Variants in TNIK observed in about 807,000 individuals in gnomAD.
TNIK encodes the protein TRAF2 and NCK-interacting protein kinase.
In TNIK, 49 loss-of-function variants were observed where a neutral mutation model predicts 191.3. The ratio of observed to expected loss-of-function variants is 0.26; its 90% CI spans 0.20 to 0.32. The LOEUF is 0.32. Among genes scored for constraint, TNIK ranks in the 10% least tolerant of loss-of-function variants. The pLI is 1.00. For missense variants in TNIK, 1,155 were observed against 1,702.3 expected (o/e 0.68, Z 5.66); for synonymous variants, 594 against 600.9 (o/e 0.99, Z 0.17).
At chr3:171,218,954 AAAT>A (rs1470197350) in intron 3 of TNIK, among the ~76,000 whole-genome samples, 1 of 130,630 alleles carries the variant, frequency 7.7e-6, no homozygotes, top group Admixed American at 8.5e-5. Context: ...AATATATAAT[AAAT>A]ATTAAATATT....
intron 12 of TNIK, among the ~76,000 whole-genome samples, chr3:171,145,779 C>CTTTTTTTTTT (rs397875512): frequency 3.7e-5 from 5 of 133,404 alleles, no homozygotes; most frequent in Non-Finnish European, 6.5e-5. Flanking sequence ...TCAGTCTTTC[C>CTTTTTTTTTT]TTTTTTTTTT....
chr3:171,372,634 G>A (rs1716666905), intron 1 of TNIK, among the ~76,000 whole-genome samples: 1 of 152,166 alleles, frequency 6.6e-6, no homozygotes. Context: ...CACTGCATGT[G>A]GGATGCCCCC....
intron 4 of TNIK, among the ~76,000 whole-genome samples, chr3:171,208,367 T>C (rs570676325): frequency 6.6e-6 from 1 of 151,880 alleles, no homozygotes; most frequent in Non-Finnish European, 1.5e-5. Flanking sequence ...AAAAAGCAGA[T>C]GTAAAAAAGA....
chr3:171,110,841 C>G lies in TNIK; in HGVS notation c.2157G>C (p.Glu719Asp), dbSNP rs756865087. The change falls in exon 19 of 33, where the codon GAG becomes GAC. Residue 719 changes from glutamate (E) to aspartate (D), a missense_variant. Around this residue, in one of 3 missense-constraint regions of TNIK, gnomAD observed 735 missense variants for 848.0 expected, o/e 0.87. Coordinates refer to ENST00000436636, the MANE Select transcript of TNIK (RefSeq NM_015028.4). ...CACTGCTGGTCCTCTGCAAGGGGCT[C>G]TCCAAGATGGGCTCAGTTCTCCGGA... ...PDLRRTEPIL[E>D]SPLQRTSSGS... 11 of 1,605,096 alleles carry G rather than the reference C, an allele frequency of 6.9e-6. No homozygotes were observed. The highest frequency in any genetic ancestry group is 1.7e-5 in the Admixed American group (1 of 59,134).
chr3:171,264,978 A>G lies in TNIK; in HGVS notation c.124-36757T>C, dbSNP rs1395077817. Among the ~76,000 whole-genome samples, 6 of 152,200 alleles carry G rather than the reference A, an allele frequency of 3.9e-5. No individual in the cohort carries two copies. In the South Asian group the frequency reaches 1.0e-3, roughly 26 times the overall value. ...CTGTATTAGGCCCAGTAGGCTGCCA[A>G]CTACTGAGAACAGTCACCCTTTCCT... On this transcript the variant is annotated intron_variant, in intron 2 of 32. Coordinates refer to ENST00000436636, the MANE Select transcript of TNIK (RefSeq NM_015028.4).
At chr3:171,104,126 AT>A (rs1161096929) in intron 21 of TNIK, among the ~76,000 whole-genome samples, 1 of 152,100 alleles carries the variant, frequency 6.6e-6, no homozygotes, top group Non-Finnish European at 1.5e-5. Flanking sequence ...CAGAATCCCT[AT>A]GAAAAGGTAA....
At chr3:171,335,197 CTGTT>C (rs569086633) in intron 2 of TNIK, among the ~76,000 whole-genome samples, 70 of 152,284 alleles carry the variant, frequency 4.6e-4, no homozygotes, top group Middle Eastern at 3.4e-3. Context: ...GCCTGGTAGA[CTGTT>C]TGCGTGCAAG....
At chr3:171,120,533 A>G (rs1402846760) in intron 18 of TNIK, among the ~76,000 whole-genome samples, 2 of 151,916 alleles carry the variant, frequency 1.3e-5, no homozygotes, top group African/African-American at 4.8e-5. Context: ...GTTAGCCAGG[A>G]TGGTCTCGAT....
intron 2 of TNIK, among the ~76,000 whole-genome samples, chr3:171,252,250 T>C (rs114156645): frequency 1.6e-4 from 24 of 152,308 alleles, no homozygotes; most frequent in African/African-American, 5.8e-4. Flanking sequence ...CTGTTGGGCA[T>C]ACAGTAGGTG....
chr3:171,436,688 G>A (rs1008318168), intron 1 of TNIK, among the ~76,000 whole-genome samples: 27 of 152,264 alleles, frequency 1.8e-4, no homozygotes, highest in African/African-American at 5.1e-4. Context: ...TTTTATACAC[G>A]TTACTCTCTG....
rs78231123 is a variant in TNIK at position 171,418,339 on chromosome 3, C to A, written c.57+41668G>T. 7.3e-3 allele frequency among the ~76,000 whole-genome samples: 1,105 copies of A among 152,200 alleles called. 8 individuals are homozygous for A. Among genetic ancestry groups the A allele is most frequent in the African/African-American group, 0.025 (1,053 of 41,520 alleles). ...ACGTGGGCCAAACCGTATGACCCAGCAATTCTACTCCTGAGAAATGAAAAT... is the reference window on the plus strand; with the variant it reads ...ACGTGGGCCAAACCGTATGACCCAGAAATTCTACTCCTGAGAAATGAAAAT... On this transcript the variant is annotated intron_variant, in intron 1 of 32. Transcript: ENST00000436636.
chr3:171,168,069 G>A (rs1375776521), intron 9 of TNIK, among the ~76,000 whole-genome samples: 3 of 152,232 alleles, frequency 2.0e-5, no homozygotes, highest in Non-Finnish European at 4.4e-5. Flanking sequence ...AGACCTGGCA[G>A]GGGAGAGCTG....
intron 8 of TNIK, among the ~76,000 whole-genome samples, chr3:171,175,940 TCA>T (rs1735905555): frequency 6.6e-6 from 1 of 152,214 alleles, no homozygotes; most frequent in Non-Finnish European, 1.5e-5. Flanking sequence ...GAGGATTAAG[TCA>T]CACAGAGTCT....
chr3:171,149,149 TAAG>T (rs202140207), intron 12 of TNIK, among the ~76,000 whole-genome samples: 2,298 of 152,342 alleles, frequency 0.015, 42 homozygotes, highest in Non-Finnish European at 0.019. Flanking sequence ...TAGGAATAAC[TAAG>T]AAGACTGTGA....
intron 2 of TNIK, among the ~76,000 whole-genome samples, chr3:171,282,964 T>C (rs1295623059): frequency 1.3e-5 from 2 of 152,050 alleles, no homozygotes; most frequent in African/African-American, 4.8e-5. Flanking sequence ...TGGGCCCGCC[T>C]TATATTCTCT....
rs2108868807 is a variant in TNIK, at chr3:171,200,696, C to T, written c.307-6061G>A. 2.0e-5 allele frequency among the ~76,000 whole-genome samples: 3 copies of T among 152,316 alleles called. No homozygotes were observed. The Middle Eastern group carries it at 0.01, about 522-fold the overall frequency. On this transcript the variant is annotated intron_variant, in intron 4 of 32. Transcript: ENST00000436636. ...AGACAGGGGGCCTTTAGCATGGAAT[C>T]ACCAGATGTGGTGGCTTCTAAACTT...
intron 11 of TNIK, among the ~76,000 whole-genome samples, chr3:171,160,327 A>C (rs562024526): frequency 1.3e-4 from 20 of 152,176 alleles, no homozygotes; most frequent in Non-Finnish European, 2.8e-4. Context: ...GCATAAAAAA[A>C]GAACACATGG....
chr3:171,293,675 A>T (rs1230434391), intron 2 of TNIK, among the ~76,000 whole-genome samples: 1 of 152,172 alleles, frequency 6.6e-6, no homozygotes, highest in Non-Finnish European at 1.5e-5. Flanking sequence ...TTTTCCACTC[A>T]ATGTATTTTT....
chr3:171,405,855 CA>C (rs933265173), intron 1 of TNIK, among the ~76,000 whole-genome samples: 1 of 152,132 alleles, frequency 6.6e-6, no homozygotes, highest in Non-Finnish European at 1.5e-5. Context: ...AGTCTTACCT[CA>C]AAAACCATGT....
Sources: gnomAD v4.1 joint callset for allele counts (sites outside exome capture counted in the v4.1 genomes callset) on GRCh38, gnomAD v4.1.1 for gene constraint, gnomAD v4.1.1 regional missense constraint, MANE v1.5 for transcripts, NCBI Gene and HGNC (gene_info 2026-07-23, HGNC 2026-07-21) for gene names.